Variants in AKAIN1 observed in about 807,000 individuals in gnomAD.
The protein encoded by AKAIN1 is A-kinase anchor protein inhibitor 1.
Under a neutral mutation model 3.7 loss-of-function variants are expected in AKAIN1, and 3 were observed. The ratio of observed to expected loss-of-function variants is 0.82; its 90% confidence interval spans 0.37 to 2.12. AKAIN1 has a LOEUF of 2.12. Ranked by LOEUF, AKAIN1 falls within the 30% of genes most tolerant of loss-of-function variation. The pLI is 0.06. For missense variants in AKAIN1, 82 were observed against 82.7 expected (o/e 0.99, Z 0.03); for synonymous variants, 31 against 30.8 (o/e 1.01, Z -0.02).
At chr18:5,153,934 C>T (rs1166460973) in intron 1 of AKAIN1, among the ~76,000 whole-genome samples, 2 of 152,124 alleles carry the variant, frequency 1.3e-5, no homozygotes, top group Non-Finnish European at 2.9e-5. Context: ...TCTGTACCTT[C>T]TGCTTAGTTT....
chr18:5,147,043 C>A (rs1444082768), intron 1 of AKAIN1, among the ~76,000 whole-genome samples: 1 of 152,154 alleles, frequency 6.6e-6, no homozygotes, highest in African/African-American at 2.4e-5. Flanking sequence ...AGTGGAAGTT[C>A]ATTTAGTAAA....
chr18:5,196,959 G>T, intron 1 of AKAIN1, 79 bp downstream of exon 1: 2 of 1,250,804 alleles, frequency 1.6e-6, no homozygotes, highest in South Asian at 1.3e-5. Flanking sequence ...AAGGTAAAGA[G>T]GCCTTTTTTC....
At chr18:5,170,362 T>A (rs187112128) in intron 1 of AKAIN1, among the ~76,000 whole-genome samples, 5 of 152,256 alleles carry the variant, frequency 3.3e-5, no homozygotes. Flanking sequence ...TTTTCCATAA[T>A]GTGACCTGTA....
intron 1 of AKAIN1, among the ~76,000 whole-genome samples, chr18:5,156,887 G>A (rs1567872698): frequency 6.6e-6 from 1 of 152,134 alleles, no homozygotes; most frequent in Non-Finnish European, 1.5e-5. Flanking sequence ...CTGTAATGGG[G>A]GTAGGGGACA....
chr18:5,164,855 G>C (rs769225821), intron 1 of AKAIN1, among the ~76,000 whole-genome samples: 1 of 152,026 alleles, frequency 6.6e-6, no homozygotes, highest in East Asian at 1.9e-4. Flanking sequence ...TTCTGGTGAT[G>C]ATGGGTAAGG....
intron 1 of AKAIN1, among the ~76,000 whole-genome samples, chr18:5,195,845 C>T (rs1438625434): frequency 6.6e-6 from 1 of 152,094 alleles, no homozygotes; most frequent in African/African-American, 2.4e-5. Context: ...ATGGGAAGAG[C>T]TCCTGGGCAT....
chr18:5,155,895 C>A (rs1034832776), intron 1 of AKAIN1, among the ~76,000 whole-genome samples: 1 of 151,868 alleles, frequency 6.6e-6, no homozygotes, highest in Non-Finnish European at 1.5e-5. Context: ...ACCAGGACAT[C>A]GGAGGTAAGA....
chr18:5,189,680 T>A (rs1011076448), intron 1 of AKAIN1, among the ~76,000 whole-genome samples: 1 of 152,054 alleles, frequency 6.6e-6, no homozygotes, highest in Non-Finnish European at 1.5e-5. Context: ...TCCTTTACCA[T>A]CCATATTTCT....
At chr18:5,154,777 T>C (rs2071097751) in intron 1 of AKAIN1, among the ~76,000 whole-genome samples, 1 of 152,116 alleles carries the variant, frequency 6.6e-6, no homozygotes, top group African/African-American at 2.4e-5. Flanking sequence ...CAACTGATGC[T>C]GCCCCTCCCT....
At chr18:5,193,986 G>T (rs1338367273) in intron 1 of AKAIN1, among the ~76,000 whole-genome samples, 1 of 152,108 alleles carries the variant, frequency 6.6e-6, no homozygotes, top group African/African-American at 2.4e-5. Flanking sequence ...GTTTATGGGG[G>T]TGGGAGGAGG....
chr18:5,180,230 A>G (rs1365937351), intron 1 of AKAIN1, among the ~76,000 whole-genome samples: 2 of 152,188 alleles, frequency 1.3e-5, no homozygotes, highest in Non-Finnish European at 2.9e-5. Context: ...AGTTCACAGA[A>G]GATAGGCAGC....
At chr18:5,150,933 G>A (rs1157058210) in intron 1 of AKAIN1, among the ~76,000 whole-genome samples, 1 of 152,192 alleles carries the variant, frequency 6.6e-6, no homozygotes, top group Non-Finnish European at 1.5e-5. Flanking sequence ...ATATTCCAGT[G>A]AGGCGGGTTT....
chr18:5,182,439 A>T (rs973999724), intron 1 of AKAIN1, among the ~76,000 whole-genome samples: 1 of 152,142 alleles, frequency 6.6e-6, no homozygotes, highest in Non-Finnish European at 1.5e-5. Flanking sequence ...AACAGATATT[A>T]TGATATTCAT....
intron 1 of AKAIN1, chr18:5,170,929 T>G (rs1453417310): frequency 6.6e-6 from 1 of 152,122 alleles, no homozygotes; most frequent in Non-Finnish European, 1.5e-5. Context: ...CTTGGCTGGT[T>G]GAACAGCATC....
At chr18:5,145,946 A>G (rs2071047019) in intron 1 of AKAIN1, among the ~76,000 whole-genome samples, 191 bp from the exon 2 acceptor site, 1 of 152,230 alleles carries the variant, frequency 6.6e-6, no homozygotes, top group Admixed American at 6.5e-5. Flanking sequence ...TGCTGTGGAT[A>G]CCAAAGTCCT....
At position 5,155,151 on chromosome 18, in the gene AKAIN1, A is replaced by T. The variant is rs533287272; in HGVS notation, c.17-9396T>A. On this transcript the variant is annotated intron_variant, in intron 1 of 1. Coordinates refer to ENST00000434239, the MANE Select transcript of AKAIN1 (RefSeq NM_001145194.2). ...TCTGCCCACCTCAGCCTCCCAAAGT[A>T]TTGAGATGACAGGCGCGAGCCACTG... Among the ~76,000 whole-genome samples the T allele has an allele frequency of 3.9e-5, 6 of 152,108 alleles. No individual in the cohort carries two copies. In the East Asian group the frequency reaches 1.2e-3, roughly 30 times the overall value.
rs1598302862 is a variant in AKAIN1 at position 5,144,311 on chromosome 18, T to C, written c.*1251A>G. On this transcript the variant is annotated 3_prime_UTR_variant, in exon 2 of 2. Transcript: ENST00000434239. ...AAAAAAAATCAAATGTAGATATTGA[T>C]ACTCTGAAACTAGAAGGTTTTTAAC... Among the ~76,000 whole-genome samples the C allele has an allele frequency of 1.3e-5, 2 of 152,350 alleles. No homozygotes were observed. Among genetic ancestry groups the C allele is most frequent in the African/African-American group, 4.8e-5 (2 of 41,590 alleles).
chr18:5,180,233 T>C (rs1460025884), intron 1 of AKAIN1, among the ~76,000 whole-genome samples: 1 of 152,168 alleles, frequency 6.6e-6, no homozygotes. Flanking sequence ...TCACAGAAGA[T>C]AGGCAGCAAA....
In AKAIN1 at chr18:5,160,431, G is replaced by T. The variant is rs1050512558; in HGVS notation, c.17-14676C>A. ...AGTTATGTGCCCATTTTTCTACTGG[G>T]TTGTTTTCCTTTTTCTTACTTTTTT... On this transcript the variant is annotated intron_variant, in intron 1 of 1. Transcript: ENST00000434239. Among the ~76,000 whole-genome samples the T allele has an allele frequency of 2.6e-5, 4 of 152,150 alleles. No individual in the cohort carries two copies. In the South Asian group the frequency reaches 6.2e-4, roughly 24 times the overall value.
Sources: gnomAD v4.1 joint callset for allele counts (sites outside exome capture counted in the v4.1 genomes callset) on GRCh38, gnomAD v4.1.1 for gene constraint, MANE v1.5 for transcripts, NCBI Gene and HGNC (gene_info 2026-07-23, HGNC 2026-07-21) for gene names.